Variants in UGGT2 observed in about 807,000 individuals in gnomAD.
UGGT2 encodes the protein UDP-glucose glycoprotein glucosyltransferase 2, also known as UDP-glucose:glycoprotein glucosyltransferase 2.
In UGGT2, 180 loss-of-function variants were observed where a neutral mutation model predicts 192.1. The observed-to-expected ratio is 0.94, with a 90% confidence interval of 0.83 to 1.06. The LOEUF (loss-of-function observed/expected upper bound fraction) is 1.06. Among genes scored for constraint, UGGT2 ranks in the 50% least tolerant of loss-of-function variants. The pLI, the probability that UGGT2 is intolerant of heterozygous loss-of-function variation, is 0.00. For synonymous variants in UGGT2, 580 were observed against 591.0 expected (o/e 0.98, Z 0.27); for missense variants, 1,849 against 1,795.7 (o/e 1.03, Z -0.54).
chr13:95,890,950 T>C lies in UGGT2; in HGVS notation c.2870A>G (p.Asn957Ser). The change falls in exon 25 of 39, where the codon AAT becomes AGT. Residue 957 changes from asparagine to serine, a missense_variant. By Grantham distance (46) the Asn-to-Ser change is conservative. Transcript: ENST00000376747. ...LRENHSVIKT[N>S]PQENDMFFNV... is the part of the protein sequence containing the mutation. ...GAAGAACATATCATTCTCTTGAGGA[T>C]TCGTCTTTATAACACTAAGAAAATA... The C allele has an allele frequency of 6.2e-7, 1 of 1,610,908 alleles. No individual in the cohort carries two copies. Among genetic ancestry groups the C allele is most frequent in the Non-Finnish European group, 8.5e-7 (1 of 1,178,236 alleles).
At chr13:96,019,139 A>AAT (rs2052439686) in intron 4 of UGGT2, among the ~76,000 whole-genome samples, 1 of 48,958 alleles carries the variant, frequency 2.0e-5, no homozygotes, top group South Asian at 7.8e-4. Context: ...GGGGGGGGGG[A>AAT]ATGTTTCTGT....
chr13:95,940,195 T>A (rs1394043940), intron 15 of UGGT2, 104 bp from the exon 16 acceptor site: 2 of 823,972 alleles, frequency 2.4e-6, no homozygotes, highest in Non-Finnish European at 1.8e-6. Context: ...GTTCAAAATA[T>A]ACTAACTACA....
intron 1 of UGGT2, among the ~76,000 whole-genome samples, chr13:96,051,284 A>C (rs531172851): frequency 1.3e-5 from 2 of 152,302 alleles, no homozygotes; most frequent in African/African-American, 4.8e-5. Flanking sequence ...CTGAACAATG[A>C]GAATACTTGG....
Position 95,925,594 on chromosome 13 carries a change from G to A in UGGT2, c.2295+86C>T, listed in dbSNP as rs2048991984. On this transcript the variant is annotated intron_variant, in intron 20 of 38. Coordinates refer to ENST00000376747, the MANE Select transcript of UGGT2 (RefSeq NM_020121.4). ...CTTAACTGAAACATTAACATGGAGG[G>A]GAAAATATTTAATGTATGTTCTTCA... 3.4e-6 allele frequency: 3 copies of A among 888,790 alleles called. No homozygotes were observed. The East Asian group carries it at 9.1e-5, about 27-fold the overall frequency. The allele number at this position is 888,790 out of a possible 1,614,324, so 55.1% of individuals were successfully genotyped here. A position where few individuals can be genotyped will look rare whatever the true frequency, so the allele number is the denominator to read the frequency against.
Position 96,023,067 on chromosome 13 carries a change from T to C in UGGT2, c.458A>G (p.Lys153Arg). The C allele has an allele frequency of 1.3e-6, 2 of 1,589,174 alleles. No individual in the cohort carries two copies. Among genetic ancestry groups the C allele is most frequent in the East Asian group, 2.3e-5 (1 of 44,042 alleles). The change falls in exon 4 of 39, where the codon AAA becomes AGA. Residue 153 changes from lysine to arginine, a missense_variant. Lys to Arg is a conservative substitution (Grantham distance 26). Transcript: ENST00000376747. ...TGAAGCAGCTTTCTTCAGCAGCTTT[T>C]TAATCTCATTAATTTTACAGGTGTG... ...KKHTCKINEI[K>R]KLLKKAASRT...
chr13:95,809,554 C>T (rs1884477927), intron 38 of UGGT2: 1 of 316,292 alleles, frequency 3.2e-6, no homozygotes, highest in Admixed American at 4.6e-5. Context: ...TGCAGATCTC[C>T]TCTCATGAGC....
rs182735366 is a variant in UGGT2, at chr13:96,026,117, T to G, written c.242-2358A>C. On this transcript the variant is annotated intron_variant, in intron 2 of 38. Coordinates refer to ENST00000376747, the MANE Select transcript of UGGT2 (RefSeq NM_020121.4). ...ATTAAAAATAATGAACTTACATACC[T>G]AAAACAAAAAAGACACAGAATGATC... Among the ~76,000 whole-genome samples, 217 of 150,238 alleles carry G rather than the reference T, an allele frequency of 1.4e-3. 1 individual carries two copies. The highest frequency in any genetic ancestry group is 5.2e-3 in the African/African-American group (212 of 41,062).
At chr13:95,923,640 A>G (rs999478753) in intron 20 of UGGT2, among the ~76,000 whole-genome samples, 21 of 152,224 alleles carry the variant, frequency 1.4e-4, no homozygotes, top group African/African-American at 4.8e-4. Flanking sequence ...GACTGCATTA[A>G]TACCAACAGT....
chr13:95,827,298 G>C (rs1275387603), intron 38 of UGGT2, among the ~76,000 whole-genome samples: 1 of 152,096 alleles, frequency 6.6e-6, no homozygotes, highest in Non-Finnish European at 1.5e-5. Flanking sequence ...ATCTCCAAAT[G>C]TATCCTTATT....
intron 2 of UGGT2, among the ~76,000 whole-genome samples, chr13:96,029,130 G>A (rs1041935925): frequency 1.3e-5 from 2 of 151,942 alleles, no homozygotes; most frequent in Non-Finnish European, 2.9e-5. Flanking sequence ...CAGCCTGGGC[G>A]ACACAGTGAG....
intron 29 of UGGT2, among the ~76,000 whole-genome samples, chr13:95,869,240 G>C (rs1293876755): frequency 6.6e-6 from 1 of 151,956 alleles, no homozygotes; most frequent in Non-Finnish European, 1.5e-5. Flanking sequence ...TGGCTGCATA[G>C]TATTCCATGG....
chr13:95,908,101 T>G lies in UGGT2; in HGVS notation c.2296-5041A>C, dbSNP rs1402027089. The stretch of plus-strand genomic sequence containing the variant: ...CATGGCATGAGAACTTCGTGACACA[T>G]GCACAAGCTTCAATAGCAGATTCAA... On this transcript the variant is annotated intron_variant, in intron 20 of 38. Coordinates refer to ENST00000376747, the MANE Select transcript of UGGT2 (RefSeq NM_020121.4). 2.6e-5 allele frequency among the ~76,000 whole-genome samples: 4 copies of G among 152,252 alleles called. No homozygotes were observed. The East Asian group carries it at 5.8e-4, about 22-fold the overall frequency.
chr13:95,827,099 T>C (rs1886124706), intron 38 of UGGT2, among the ~76,000 whole-genome samples: 1 of 152,146 alleles, frequency 6.6e-6, no homozygotes, highest in African/African-American at 2.4e-5. Flanking sequence ...AGAAATTAAT[T>C]TCTTCCAGTG....
chr13:95,933,311 G>A (rs72636564), intron 17 of UGGT2, among the ~76,000 whole-genome samples: 4,515 of 152,240 alleles, frequency 0.03, 122 homozygotes, highest in Non-Finnish European at 0.046. Flanking sequence ...TCAATCTTGG[G>A]AGACCAGGAA....
chr13:95,910,883 A>AG (rs2048471824), intron 20 of UGGT2, among the ~76,000 whole-genome samples: 1 of 152,140 alleles, frequency 6.6e-6, no homozygotes, highest in Non-Finnish European at 1.5e-5. Context: ...ATCACAACAA[A>AG]CTGTCTCTCA....
At chr13:95,812,431 C>A (rs1426985293) in intron 38 of UGGT2, among the ~76,000 whole-genome samples, 1 of 152,158 alleles carries the variant, frequency 6.6e-6, no homozygotes, top group Non-Finnish European at 1.5e-5. Flanking sequence ...GCAAGAAACC[C>A]ACCCTTATAT....
At chr13:95,874,255 C>T (rs1891466111) in intron 29 of UGGT2, among the ~76,000 whole-genome samples, 1 of 152,134 alleles carries the variant, frequency 6.6e-6, no homozygotes, top group African/African-American at 2.4e-5. Flanking sequence ...CGAAGACATC[C>T]AGTGGATGTA....
chr13:95,999,265 C>A lies in UGGT2; in HGVS notation c.703G>T (p.Glu235Ter). Residue 235 changes from glutamate to a stop codon, truncating the protein, a stop_gained, in exon 6 of 39, where the codon GAG becomes TAG. Coordinates refer to ENST00000376747, the MANE Select transcript of UGGT2 (RefSeq NM_020121.4). LOFTEE classifies it high-confidence loss of function. The stretch of plus-strand genomic sequence containing the variant: ...TATTCTGTACTCTTAATTGCTAGCT[C>A]CACACCATACCCAGATAAGTACATT... ...RKMYLSGYGV[E>*]LAIKSTEYKA... is the part of the protein sequence containing the mutation. 1 of 1,613,636 alleles carries A rather than the reference C, an allele frequency of 6.2e-7. No homozygotes were observed. Among genetic ancestry groups the A allele is most frequent in the Non-Finnish European group, 8.5e-7 (1 of 1,179,740 alleles).
At chr13:95,837,341 G>C in intron 36 of UGGT2, 139 bp from the exon 37 acceptor site, 1 of 649,020 alleles carries the variant, frequency 1.5e-6, no homozygotes, top group East Asian at 2.7e-5. Flanking sequence ...ACACTTTAAA[G>C]CTTAAAATAC....
Sources: allele counts gnomAD v4.1 joint callset (sites outside exome capture counted in the v4.1 genomes callset), GRCh38; gene constraint gnomAD v4.1.1; transcripts MANE v1.5; gene names NCBI Gene and HGNC (gene_info 2026-07-23, HGNC 2026-07-21).